The following SLC1A3 variants were observed in gnomAD, a reference collection of about 807,000 sequenced individuals.
SLC1A3 encodes the protein solute carrier family 1 member 3, also known as excitatory amino acid transporter 1.
In SLC1A3, 21 loss-of-function variants were observed where a neutral mutation model predicts 48.1. The ratio of observed to expected loss-of-function variants is 0.44; its 90% CI spans 0.31 to 0.63. The LOEUF (loss-of-function observed/expected upper bound fraction) is 0.63. SLC1A3 is among the 20% of genes least tolerant of loss of function. SLC1A3 has a pLI of 0.08. For synonymous variants in SLC1A3, 239 were observed against 251.4 expected (o/e 0.95, Z 0.47); for missense variants, 546 against 689.0 (o/e 0.79, Z 2.32).
chr5:36,660,337 T>G (rs532238079), intron 3 of SLC1A3, among the ~76,000 whole-genome samples: 2 of 152,150 alleles, frequency 1.3e-5, no homozygotes, highest in Non-Finnish European at 2.9e-5. Context: ...CACAATTTTC[T>G]TGTATAATTT....
At chr5:36,651,858 A>C (rs1404316478) in intron 3 of SLC1A3, among the ~76,000 whole-genome samples, 1 of 152,120 alleles carries the variant, frequency 6.6e-6, no homozygotes, top group African/African-American at 2.4e-5. Context: ...TTTCATGTTA[A>C]AAAGTACTAT....
intron 3 of SLC1A3, among the ~76,000 whole-genome samples, chr5:36,664,728 T>G (rs1036569198): frequency 6.6e-6 from 1 of 152,236 alleles, no homozygotes; most frequent in Admixed American, 6.5e-5. Flanking sequence ...CAGGCCTCTC[T>G]TTCATTCCCT....
chr5:36,658,100 TAG>T (rs1299161714), intron 3 of SLC1A3, among the ~76,000 whole-genome samples: 4 of 152,022 alleles, frequency 2.6e-5, no homozygotes, highest in African/African-American at 9.7e-5. Context: ...AAAATTTAAA[TAG>T]AGAGTCAGAC....
rs531106276 is a variant in SLC1A3 at position 36,670,680 on chromosome 5, C to T, written c.320-349C>T. ...ACATGCACACAGGCACACTCACACA[C>T]GCACTACTCACACTCATAGCTTCCC... On this transcript the variant is annotated intron_variant, in intron 3 of 9. Transcript: ENST00000265113. 149 of 385,204 alleles carry T rather than the reference C, an allele frequency of 3.9e-4. 3 individuals carry two copies. The highest frequency in any genetic ancestry group is 3.1e-3 in the South Asian group (139 of 44,460). 23.9% of individuals were successfully genotyped at this position (385,204 alleles called of 1,614,324 possible).
At chr5:36,608,949 ATAC>A (rs1386780052) in intron 2 of SLC1A3, 2 of 1,031,094 alleles carry the variant, frequency 1.9e-6, no homozygotes, top group African/African-American at 3.4e-5. Context: ...ATGTAATTAT[ATAC>A]AATGTCAGTT....
intron 6 of SLC1A3, 138 bp downstream of exon 6, chr5:36,677,322 T>C (rs1376520715): frequency 1.1e-5 from 8 of 715,420 alleles, no homozygotes; most frequent in Non-Finnish European, 1.9e-5. Context: ...GGAAAATCAA[T>C]GAATCTCTGG....
intron 3 of SLC1A3, chr5:36,669,830 A>G (rs748311762): frequency 2.0e-5 from 3 of 152,118 alleles, no homozygotes; most frequent in Non-Finnish European, 2.9e-5. Flanking sequence ...GAGTTCACAC[A>G]AACTCTAAAT....
rs1295984458 is a variant in SLC1A3, at chr5:36,688,244, C to G, written c.*1975C>G. ...AGCCCATCCTCTCGCCAAGCCATCA[C>G]AGGCTCTGCATACACATGCACTCAG... On this transcript the variant is annotated 3_prime_UTR_variant, in exon 10 of 10. Coordinates refer to ENST00000265113, the MANE Select transcript of SLC1A3 (RefSeq NM_004172.5). 1 of 152,222 alleles carries G rather than the reference C, an allele frequency of 6.6e-6. No homozygotes were observed. The highest frequency in any genetic ancestry group is 1.5e-5 in the Non-Finnish European group (1 of 68,056). 9.4% of individuals were successfully genotyped at this position (152,222 alleles called of 1,614,324 possible).
intron 2 of SLC1A3, among the ~76,000 whole-genome samples, chr5:36,620,413 C>T (rs1739615277): frequency 1.3e-5 from 2 of 152,192 alleles, no homozygotes; most frequent in Non-Finnish European, 2.9e-5. Flanking sequence ...AGTCAAGATC[C>T]AGTCCCACAG....
chr5:36,653,013 T>C (rs1741144807), intron 3 of SLC1A3, among the ~76,000 whole-genome samples: 2 of 152,230 alleles, frequency 1.3e-5, no homozygotes, highest in African/African-American at 4.8e-5. Flanking sequence ...TTTATGCATT[T>C]TCTAAGATGT....
chr5:36,632,442 T>G (rs940300282), intron 3 of SLC1A3, among the ~76,000 whole-genome samples: 2 of 152,212 alleles, frequency 1.3e-5, no homozygotes, highest in African/African-American at 2.4e-5. Context: ...TGGAATTCAC[T>G]ACTGAACATC....
chr5:36,663,380 A>AGT (rs1741595470), intron 3 of SLC1A3, among the ~76,000 whole-genome samples: 6 of 69,338 alleles, frequency 8.7e-5, no homozygotes, highest in Non-Finnish European at 2.6e-5. Context: ...CACGCCCGGC[A>AGT]TTTTTTTTTT....
chr5:36,679,932 A>G, intron 7 of SLC1A3, 72 bp downstream of exon 7: 2 of 1,028,014 alleles, frequency 1.9e-6, no homozygotes, highest in Non-Finnish European at 3.0e-6. Context: ...AGGGTGTAGG[A>G]GAAGCCATTT....
intron 3 of SLC1A3, among the ~76,000 whole-genome samples, chr5:36,642,252 A>C (rs1374717497): frequency 6.6e-6 from 1 of 152,198 alleles, no homozygotes; most frequent in Non-Finnish European, 1.5e-5. Flanking sequence ...CTGAACTGTA[A>C]CTTGACAGCT....
At chr5:36,632,751 T>C (rs550051408) in intron 3 of SLC1A3, among the ~76,000 whole-genome samples, 1 of 152,378 alleles carries the variant, frequency 6.6e-6, no homozygotes, top group East Asian at 1.9e-4. Flanking sequence ...AAACATGCTA[T>C]AAGTTTAATT....
At chr5:36,660,746 A>T (rs1000057334) in intron 3 of SLC1A3, among the ~76,000 whole-genome samples, 5 of 152,214 alleles carry the variant, frequency 3.3e-5, no homozygotes, top group Non-Finnish European at 5.9e-5. Context: ...CTTTTATAGG[A>T]ACTATTCTTT....
At chr5:36,615,348 A>G (rs1739386188) in intron 2 of SLC1A3, among the ~76,000 whole-genome samples, 1 of 152,210 alleles carries the variant, frequency 6.6e-6, no homozygotes, top group Non-Finnish European at 1.5e-5. Context: ...ATCTGAATAT[A>G]TAGAATAATA....
intron 3 of SLC1A3, among the ~76,000 whole-genome samples, chr5:36,654,917 C>T (rs931057774): frequency 2.0e-5 from 3 of 152,170 alleles, no homozygotes; most frequent in Non-Finnish European, 2.9e-5. Context: ...AGGGGACATT[C>T]GCTCTGGCTG....
At chr5:36,655,453 C>T (rs1741249159) in intron 3 of SLC1A3, among the ~76,000 whole-genome samples, 1 of 152,170 alleles carries the variant, frequency 6.6e-6, no homozygotes, top group Admixed American at 6.5e-5. Flanking sequence ...CTCCTGAGTG[C>T]TGCTTACTGC....
Sources: allele counts gnomAD v4.1 joint callset (sites outside exome capture counted in the v4.1 genomes callset), GRCh38; gene constraint gnomAD v4.1.1; transcripts MANE v1.5; gene names NCBI Gene and HGNC (gene_info 2026-07-23, HGNC 2026-07-21).